SESN1: variants seen among roughly 807,000 people sequenced by gnomAD.
SESN1 encodes sestrin-1.
SESN1 carries 30 observed loss-of-function variants against 59.3 expected under a neutral mutation model. The ratio of observed to expected loss-of-function variants is 0.51; its 90% CI spans 0.38 to 0.69. The LOEUF (loss-of-function observed/expected upper bound fraction) is 0.69, where lower values mean the gene tolerates loss of function less well. SESN1 is among the 30% of genes least tolerant of loss of function. SESN1 has a pLI of 0.00. For missense variants in SESN1, 566 were observed against 673.0 expected (o/e 0.84, Z 1.76); for synonymous variants, 197 against 219.9 (o/e 0.90, Z 0.92).
At chr6:109,068,220 G>A (rs184677963) in intron 1 of SESN1, among the ~76,000 whole-genome samples, 3 of 152,250 alleles carry the variant, frequency 2.0e-5, no homozygotes, top group African/African-American at 4.8e-5. Context: ...AGTCACCCCA[G>A]CTGAGTGTGC....
chr6:108,992,325 A>G (rs1227196612), intron 7 of SESN1, among the ~76,000 whole-genome samples: 3 of 151,978 alleles, frequency 2.0e-5, no homozygotes, highest in African/African-American at 7.3e-5. Flanking sequence ...CTTGTTGGCC[A>G]GGCTGGTCGT....
At chr6:109,072,782 A>G (rs545065874) in intron 1 of SESN1, among the ~76,000 whole-genome samples, 1 of 152,304 alleles carries the variant, frequency 6.6e-6, no homozygotes, top group Admixed American at 6.5e-5. Flanking sequence ...AAACAGGAAT[A>G]TAAAGATGCT....
chr6:109,032,607 G>C (rs1218317331), intron 1 of SESN1, among the ~76,000 whole-genome samples: 1 of 146,114 alleles, frequency 6.8e-6, no homozygotes, highest in Non-Finnish European at 1.5e-5. Flanking sequence ...GACAGAGCAA[G>C]ACTTCATCTC....
At chr6:109,016,227 T>C (rs1027723351) in intron 1 of SESN1, among the ~76,000 whole-genome samples, 1 of 152,190 alleles carries the variant, frequency 6.6e-6, no homozygotes, top group South Asian at 2.1e-4. Flanking sequence ...AACAAACCAA[T>C]GACAATATTC....
intron 1 of SESN1, among the ~76,000 whole-genome samples, chr6:109,039,616 C>G (rs563225449): frequency 6.6e-6 from 1 of 152,296 alleles, no homozygotes; most frequent in Admixed American, 6.5e-5. Context: ...GGTCATAGTC[C>G]CATCACTGGG....
At position 109,094,249 on chromosome 6, in the gene SESN1, G is replaced by A. The variant is rs1305477902; in HGVS notation, c.-176C>T. 1.5e-6 allele frequency: 1 copy of A among 655,242 alleles called. No homozygotes were observed. Among genetic ancestry groups the A allele is most frequent in the Non-Finnish European group, 2.6e-6 (1 of 387,814 alleles). The allele number at this position is 655,242 out of a possible 1,614,324, so 40.6% of individuals were successfully genotyped here. A position where few individuals can be genotyped will look rare whatever the true frequency, so the allele number is the denominator to read the frequency against. On this transcript the variant is annotated 5_prime_UTR_variant, in exon 1 of 10. Transcript: ENST00000436639. ...GTGCCTTCAGCCGATCTACAAGCTA[G>A]GTCACCCTCTCACCCTCTCCTTGTA...
At chr6:109,015,353 G>A (rs1470472067) in intron 1 of SESN1, among the ~76,000 whole-genome samples, 1 of 152,154 alleles carries the variant, frequency 6.6e-6, no homozygotes, top group Non-Finnish European at 1.5e-5. Flanking sequence ...CAGCTATACA[G>A]GGTCTGACAA....
chr6:109,064,474 G>A (rs1486352804), intron 1 of SESN1, among the ~76,000 whole-genome samples: 1 of 148,808 alleles, frequency 6.7e-6, no homozygotes, highest in East Asian at 2.0e-4. Context: ...ATGTGCTTTA[G>A]AACAAAAGGA....
Position 108,990,742 on chromosome 6 carries a change from T to G in SESN1, c.1327A>C (p.Asn443His), listed in dbSNP as rs774585259. Residue 443 changes from asparagine (N) to histidine (H), a missense_variant, in exon 8 of 10, where the codon AAT becomes CAT. Asn to His is a moderately conservative substitution (Grantham distance 68). Transcript: ENST00000436639. ...LIDEKFHIAY[N>H]LTYNTMAMHK... ...ATTGCCATTGTATTATAAGTAAGAT[T>G]GTAAGCAATGTGAAATTTTTCATCA... 1 of 1,614,086 alleles carries G rather than the reference T, an allele frequency of 6.2e-7. No individual in the cohort carries two copies. The highest frequency in any genetic ancestry group is 1.7e-5 in the Admixed American group (1 of 60,032).
intron 1 of SESN1, among the ~76,000 whole-genome samples, chr6:109,041,507 A>G (rs1351611074): frequency 1.3e-5 from 2 of 150,076 alleles, no homozygotes; most frequent in Non-Finnish European, 3.0e-5. Flanking sequence ...TATTTACCAT[A>G]ATTGTTGTTT....
chr6:108,992,907 A>G lies in SESN1; in HGVS notation c.1121-8T>C. On this transcript the variant is annotated splice_polypyrimidine_tract_variant and splice_region_variant and intron_variant, in intron 6 of 9. Transcript: ENST00000436639. ...GTGTAACTTCTTCATCATCTGGGAA[A>G]AAAGGCCATTGAAAGGTTTTTAAAA... 1 of 1,575,858 alleles carries G rather than the reference A, an allele frequency of 6.3e-7. No individual in the cohort carries two copies. Among genetic ancestry groups the G allele is most frequent in the Non-Finnish European group, 8.7e-7 (1 of 1,147,398 alleles).
intron 1 of SESN1, among the ~76,000 whole-genome samples, chr6:109,014,621 T>TTTTG (rs941878105): frequency 1.3e-5 from 2 of 152,174 alleles, no homozygotes; most frequent in Non-Finnish European, 1.5e-5. Flanking sequence ...GGGTGAGTTT[T>TTTTG]TTTGTTTGTT....
intron 1 of SESN1, among the ~76,000 whole-genome samples, chr6:109,045,308 T>C (rs577347678): frequency 1.3e-5 from 2 of 152,200 alleles, no homozygotes; most frequent in Non-Finnish European, 2.9e-5. Flanking sequence ...ATTAGAACGA[T>C]AGCCTCCTTT....
At chr6:109,083,600 G>C (rs1562476980) in intron 1 of SESN1, among the ~76,000 whole-genome samples, 1 of 152,112 alleles carries the variant, frequency 6.6e-6, no homozygotes, top group Non-Finnish European at 1.5e-5. Flanking sequence ...ATTTAAGTCA[G>C]TCAATGTATA....
intron 5 of SESN1, among the ~76,000 whole-genome samples, 186 bp from the exon 6 acceptor site, chr6:108,994,795 C>T (rs1325235590): frequency 6.6e-5 from 10 of 151,408 alleles, no homozygotes; most frequent in African/African-American, 1.9e-4. Flanking sequence ...GTCCACCTCC[C>T]AGGTTCACGC....
chr6:108,996,802 A>C (rs997772033), intron 5 of SESN1, among the ~76,000 whole-genome samples: 1 of 152,242 alleles, frequency 6.6e-6, no homozygotes, highest in Non-Finnish European at 1.5e-5. Flanking sequence ...GTTCTTCAGT[A>C]GCTACTGGAA....
intron 1 of SESN1, 100 bp from the exon 2 acceptor site, chr6:109,002,443 G>C (rs1779647170): frequency 1.1e-6 from 1 of 887,182 alleles, no homozygotes; most frequent in Non-Finnish European, 1.8e-6. Context: ...AACAGAGACA[G>C]GCTTGTTTTG....
chr6:109,024,091 AAAAC>A (rs1469058892), intron 1 of SESN1, among the ~76,000 whole-genome samples: 5 of 152,338 alleles, frequency 3.3e-5, no homozygotes, highest in Non-Finnish European at 7.4e-5. Flanking sequence ...GACTTTTTAA[AAAAC>A]AATCTCATGA....
Position 108,998,774 on chromosome 6 carries a change from A to T in SESN1, c.730-19T>A. 1.3e-6 allele frequency: 2 copies of T among 1,592,138 alleles called. No homozygotes were observed. Among genetic ancestry groups the T allele is most frequent in the Non-Finnish European group, 1.7e-6 (2 of 1,167,846 alleles). On this transcript the variant is annotated intron_variant, in intron 4 of 9. Transcript: ENST00000436639. ...AAAGTCCCTTAGGGGGAAAAAAAAA[A>T]AGAATATATTTTTGTACTGGGGTGT...
Sources: gnomAD v4.1 joint callset for allele counts (sites outside exome capture counted in the v4.1 genomes callset) on GRCh38, gnomAD v4.1.1 for gene constraint, MANE v1.5 for transcripts, NCBI Gene and HGNC (gene_info 2026-07-23, HGNC 2026-07-21) for gene names.